The following ARAP2 variants were observed in gnomAD, a reference collection of about 807,000 sequenced individuals.
ARAP2 encodes the protein ArfGAP with RhoGAP domain, ankyrin repeat and PH domain 2.
A neutral mutation model predicts 194.5 loss-of-function variants in ARAP2; 148 were observed. That is an observed-to-expected ratio of 0.76 (90% CI 0.67 to 0.87). ARAP2 has a LOEUF of 0.87. ARAP2 is among the 40% of genes least tolerant of loss of function. ARAP2 has a pLI of 0.00. For synonymous variants in ARAP2, 695 were observed against 683.5 expected, an observed-to-expected ratio of 1.02 and a Z score of -0.26; for missense variants, 2,128 against 1,989.7, an observed-to-expected ratio of 1.07 and a Z score of -1.32.
intron 6 of ARAP2, among the ~76,000 whole-genome samples, chr4:36,208,853 G>A (rs1746127391): frequency 6.6e-6 from 1 of 151,754 alleles, no homozygotes; most frequent in African/African-American, 2.4e-5. Flanking sequence ...GGAGCTTTAG[G>A]ACAGAAAATG....
intron 27 of ARAP2, among the ~76,000 whole-genome samples, chr4:36,096,581 C>T (rs1577863304): frequency 6.6e-6 from 1 of 152,182 alleles, no homozygotes; most frequent in East Asian, 1.9e-4. Context: ...GGATTAATCA[C>T]ATTACTGATC....
At chr4:36,242,711 C>T (rs1420832988) in intron 1 of ARAP2, among the ~76,000 whole-genome samples, 2 of 152,140 alleles carry the variant, frequency 1.3e-5, no homozygotes, top group Non-Finnish European at 2.9e-5. Context: ...TGTTTTTAAA[C>T]GTACCATCAG....
chr4:36,077,348 C>A (rs1215854593), intron 31 of ARAP2, among the ~76,000 whole-genome samples: 2 of 152,040 alleles, frequency 1.3e-5, no homozygotes, highest in Admixed American at 6.6e-5. Context: ...TATAAAACTG[C>A]GCATTCTGCA....
chr4:36,221,735 G>C (rs374054098), intron 2 of ARAP2, among the ~76,000 whole-genome samples: 1 of 152,112 alleles, frequency 6.6e-6, no homozygotes, highest in Non-Finnish European at 1.5e-5. Context: ...ACAAATATAG[G>C]AAGTAAGTTG....
At chr4:36,198,673 G>A (rs752631406) in intron 6 of ARAP2, among the ~76,000 whole-genome samples, 4 of 152,220 alleles carry the variant, frequency 2.6e-5, no homozygotes, top group Non-Finnish European at 4.4e-5. Flanking sequence ...CAGATGGGCT[G>A]TGACAGTACC....
At chr4:36,205,116 A>G (rs1346512313) in intron 6 of ARAP2, among the ~76,000 whole-genome samples, 3 of 151,900 alleles carry the variant, frequency 2.0e-5, no homozygotes, top group Non-Finnish European at 2.9e-5. Context: ...ACATTGTTCA[A>G]AAATGAGTAG....
At chr4:36,204,556 G>A (rs1745113174) in intron 6 of ARAP2, among the ~76,000 whole-genome samples, 1 of 152,190 alleles carries the variant, frequency 6.6e-6, no homozygotes, top group Non-Finnish European at 1.5e-5. Context: ...TGTGCACTCG[G>A]CCTGGGGAAC....
intron 19 of ARAP2, among the ~76,000 whole-genome samples, chr4:36,145,181 C>A (rs1199040391): frequency 6.6e-6 from 1 of 151,728 alleles, no homozygotes; most frequent in Non-Finnish European, 1.5e-5. Context: ...TACTAGGTAT[C>A]TATCCAAAGG....
intron 2 of ARAP2, among the ~76,000 whole-genome samples, chr4:36,217,477 C>T (rs780170166): frequency 9.2e-5 from 14 of 152,060 alleles, no homozygotes; most frequent in Admixed American, 5.2e-4. Context: ...GCCAAGATCA[C>T]GCCACTGCAC....
intron 16 of ARAP2, among the ~76,000 whole-genome samples, chr4:36,150,635 C>T (rs1054480064): frequency 2.7e-5 from 4 of 149,462 alleles, no homozygotes; most frequent in African/African-American, 9.9e-5. Flanking sequence ...AGCGAGACTC[C>T]ATCTCAAAAA....
rs1163086014 is a variant in ARAP2 at position 36,178,069 on chromosome 4, CAAG to C, written c.1679-67_1679-65del. 6.3e-6 allele frequency: 9 copies of C among 1,423,266 alleles called. No homozygotes were observed. In the Middle Eastern group the frequency reaches 5.5e-4, roughly 87 times the overall value. The allele number at this position is 1,423,266 out of a possible 1,614,324, so 88.2% of individuals were successfully genotyped here. ...ATAAGTTACATAGACACAGAAACGT[CAAG>C]AAGAAATCCATGCCCTTTGCAACAC... On this transcript the variant is annotated intron_variant, in intron 8 of 32. Transcript: ENST00000303965.
At position 36,216,886 on chromosome 4, in the gene ARAP2, C is replaced by G. The variant is rs74993360; in HGVS notation, c.906-2406G>C. ...GTTGTTAGGCAATTTCATCATTTTG[C>G]AAACATCATGGAGTGTACTTACATA... On this transcript the variant is annotated intron_variant, in intron 2 of 32. Coordinates refer to ENST00000303965, the MANE Select transcript of ARAP2 (RefSeq NM_015230.4). Among the ~76,000 whole-genome samples, 550 of 152,278 alleles carry G rather than the reference C, an allele frequency of 3.6e-3. 4 individuals are homozygous for G. Among genetic ancestry groups the G allele is most frequent in the Non-Finnish European group, 3.8e-3 (259 of 68,022 alleles).
intron 19 of ARAP2, among the ~76,000 whole-genome samples, chr4:36,133,643 T>G (rs1725970383): frequency 6.6e-6 from 1 of 151,796 alleles, no homozygotes; most frequent in Non-Finnish European, 1.5e-5. Context: ...TCTGAATAAC[T>G]AAACTAAAAC....
Position 36,121,277 on chromosome 4 carries a change from A to T in ARAP2, c.3796T>A (p.Leu1266Met). 6.2e-7 allele frequency: 1 copy of T among 1,605,262 alleles called. No individual in the cohort carries two copies. Among genetic ancestry groups the T allele is most frequent in the Non-Finnish European group, 8.5e-7 (1 of 1,174,970 alleles). The stretch of plus-strand genomic sequence containing the variant: ...TGAAACAAACAGGATGAAAAGACCA[A>T]GGCCAAATTATGGGCATTCATGTGA... ...INHMNAHNLA[L>M]VFSSCLFQTK... Residue 1266 changes from leucine to methionine, a missense_variant, in exon 23 of 33, where the codon TTG becomes ATG. Coordinates refer to ENST00000303965, the MANE Select transcript of ARAP2 (RefSeq NM_015230.4).
At chr4:36,190,704 G>A (rs2109906485) in intron 7 of ARAP2, among the ~76,000 whole-genome samples, 1 of 152,288 alleles carries the variant, frequency 6.6e-6, no homozygotes, top group South Asian at 2.1e-4. Context: ...GCTCATGGAG[G>A]TGAATAACAA....
intron 1 of ARAP2, among the ~76,000 whole-genome samples, chr4:36,230,988 T>C (rs1045890167): frequency 6.6e-6 from 1 of 152,222 alleles, no homozygotes; most frequent in Non-Finnish European, 1.5e-5. Context: ...GAAATGCCTT[T>C]GTCAATAAGG....
At position 36,128,733 on chromosome 4, in the gene ARAP2, T is replaced by C. The variant is rs764113145; in HGVS notation, c.3440A>G (p.Lys1147Arg). 5 of 1,585,972 alleles carry C rather than the reference T, an allele frequency of 3.2e-6. No individual in the cohort carries two copies. The East Asian group carries it at 1.1e-4, about 36-fold the overall frequency. Residue 1147 changes from lysine (K) to arginine (R), a missense_variant, in exon 21 of 33, where the codon AAA (lysine) becomes AGA (arginine). Lys to Arg is a conservative substitution (Grantham distance 26). Transcript: ENST00000303965. ...ATCACCATTCTTTTGATAGATATAT[T>C]TGCATCCTAAACCTTTGTTTAAAAA... ...AFVTQYGLGC[K>R]YIYQKNGDPL... is the part of the protein sequence containing the mutation.
At chr4:36,064,770 C>A (rs1360743863), downstream of ARAP2, among the ~76,000 whole-genome samples, 1 of 152,180 alleles carries the variant, frequency 6.6e-6, no homozygotes, top group Non-Finnish European at 1.5e-5. Context: ...AGGGCATGGG[C>A]CCAGGCCTTT....
chr4:36,111,724 T>G (rs115970835), intron 26 of ARAP2, among the ~76,000 whole-genome samples: 163 of 152,096 alleles, frequency 1.1e-3, no homozygotes, highest in African/African-American at 3.7e-3. Flanking sequence ...CATCCCTTGA[T>G]TGCTCAAGAT....
Sources: gnomAD v4.1 joint callset for allele counts (sites outside exome capture counted in the v4.1 genomes callset) on GRCh38, gnomAD v4.1.1 for gene constraint, MANE v1.5 for transcripts, NCBI Gene and HGNC (gene_info 2026-07-23, HGNC 2026-07-21) for gene names.